CCDC178: variants seen among roughly 807,000 people sequenced by gnomAD.
CCDC178 encodes the protein coiled-coil domain containing 178.
In CCDC178, 126 loss-of-function variants were observed where a neutral mutation model predicts 117.4. The ratio of observed to expected loss-of-function variants is 1.07; its 90% CI spans 0.93 to 1.24. The LOEUF (loss-of-function observed/expected upper bound fraction) is 1.24. CCDC178 is among the 50% of genes most tolerant of loss of function. CCDC178 has a pLI of 0.00. For missense variants in CCDC178, 1,030 were observed against 986.9 expected (o/e 1.04, Z -0.59); for synonymous variants, 283 against 313.4 (o/e 0.90, Z 1.02).
At chr18:33,190,760 A>C (rs564431551) in intron 20 of CCDC178, among the ~76,000 whole-genome samples, 1 of 152,268 alleles carries the variant, frequency 6.6e-6, no homozygotes, top group East Asian at 1.9e-4. Flanking sequence ...TATCCTTCAC[A>C]TCTGCAGTTT....
intron 20 of CCDC178, among the ~76,000 whole-genome samples, chr18:33,194,946 C>CAGAGAG (rs149465796): frequency 2.7e-4 from 29 of 106,218 alleles, no homozygotes; most frequent in African/African-American, 8.6e-4. Context: ...GAGAGAGAGA[C>CAGAGAG]AGAGAGAGAG....
chr18:33,269,973 G>C (rs942150480), intron 12 of CCDC178, among the ~76,000 whole-genome samples: 1 of 151,270 alleles, frequency 6.6e-6, no homozygotes, highest in African/African-American at 2.4e-5. Flanking sequence ...AGGATCTAAA[G>C]GACTAAAACA....
intron 21 of CCDC178, among the ~76,000 whole-genome samples, chr18:32,981,383 T>C (rs950576748): frequency 2.0e-5 from 3 of 152,322 alleles, no homozygotes; most frequent in Non-Finnish European, 4.4e-5. Flanking sequence ...ACTGAGGATT[T>C]TGAATGCATC....
At chr18:33,306,888 T>C (rs2062263165) in intron 11 of CCDC178, among the ~76,000 whole-genome samples, 1 of 152,116 alleles carries the variant, frequency 6.6e-6, no homozygotes, top group Admixed American at 6.6e-5. Context: ...CTGATGATTT[T>C]ATAAGGGGCT....
intron 11 of CCDC178, among the ~76,000 whole-genome samples, chr18:33,295,973 A>G (rs2062102001): frequency 6.6e-6 from 1 of 152,152 alleles, no homozygotes; most frequent in African/African-American, 2.4e-5. Flanking sequence ...TCACACAAAA[A>G]CTTCTACATT....
At chr18:33,085,695 A>G (rs2057369035) in intron 21 of CCDC178, among the ~76,000 whole-genome samples, 1 of 152,232 alleles carries the variant, frequency 6.6e-6, no homozygotes, top group East Asian at 1.9e-4. Context: ...AGTAATTATT[A>G]GTATATTGTT....
chr18:33,149,109 C>G (rs1464040361), intron 20 of CCDC178, among the ~76,000 whole-genome samples: 1 of 152,110 alleles, frequency 6.6e-6, no homozygotes, highest in East Asian at 1.9e-4. Flanking sequence ...GAAGAATCAC[C>G]AAGATGAAAA....
At chr18:33,241,146 C>T (rs2059482890) in intron 15 of CCDC178, among the ~76,000 whole-genome samples, 2 of 151,860 alleles carry the variant, frequency 1.3e-5, no homozygotes, top group Non-Finnish European at 2.9e-5. Flanking sequence ...AATTCAACAT[C>T]TCTTCATGAT....
intron 21 of CCDC178, among the ~76,000 whole-genome samples, chr18:33,086,114 A>C (rs2057374614): frequency 6.6e-6 from 1 of 151,918 alleles, no homozygotes; most frequent in African/African-American, 2.4e-5. Flanking sequence ...TACTTGTTTT[A>C]TTGTAATTTT....
chr18:33,226,908 AC>A (rs1384168261), intron 15 of CCDC178, 53 bp from the exon 16 acceptor site: 2 of 970,800 alleles, frequency 2.1e-6, no homozygotes, highest in East Asian at 5.2e-5. Flanking sequence ...AACATCAAAA[AC>A]ATTTTTTAAA....
chr18:33,313,093 T>C (rs952980112), intron 11 of CCDC178, among the ~76,000 whole-genome samples: 13 of 152,180 alleles, frequency 8.5e-5, no homozygotes, highest in African/African-American at 3.1e-4. Flanking sequence ...GCAGAGCTTG[T>C]TGCTCTAGCC....
intron 22 of CCDC178, chr18:32,953,929 A>G (rs1473994240): frequency 6.6e-6 from 1 of 152,186 alleles, no homozygotes; most frequent in Admixed American, 6.5e-5. Context: ...TTTCACATAT[A>G]TCTCATGACT....
intron 3 of CCDC178, among the ~76,000 whole-genome samples, chr18:33,409,506 G>T (rs571214748): frequency 6.6e-6 from 1 of 152,212 alleles, no homozygotes; most frequent in East Asian, 1.9e-4. Flanking sequence ...TATGCTGAAT[G>T]TACTTTCACA....
intron 22 of CCDC178, among the ~76,000 whole-genome samples, chr18:32,970,578 G>A (rs1010665025): frequency 2.0e-5 from 3 of 151,992 alleles, no homozygotes; most frequent in African/African-American, 7.2e-5. Context: ...TTTTAGTCAT[G>A]TTGGATCATG....
intron 2 of CCDC178, among the ~76,000 whole-genome samples, chr18:33,423,558 A>G (rs1272799244): frequency 6.6e-6 from 1 of 152,000 alleles, no homozygotes; most frequent in African/African-American, 2.4e-5. Flanking sequence ...TGTTTTAAGG[A>G]TTCTTGTACA....
chr18:32,998,908 G>C (rs764152232), intron 21 of CCDC178, among the ~76,000 whole-genome samples: 8 of 151,978 alleles, frequency 5.3e-5, no homozygotes, highest in Non-Finnish European at 1.2e-4. Context: ...CATATTTCCA[G>C]CTGTGGTGGC....
chr18:33,180,948 T>C (rs916713552), intron 20 of CCDC178, among the ~76,000 whole-genome samples: 1 of 152,032 alleles, frequency 6.6e-6, no homozygotes, highest in Non-Finnish European at 1.5e-5. Context: ...TCAATGTTAT[T>C]TTGGCTTAAG....
chr18:33,040,564 G>A (rs1292961606), intron 21 of CCDC178, among the ~76,000 whole-genome samples: 1 of 151,940 alleles, frequency 6.6e-6, no homozygotes, highest in Admixed American at 6.6e-5. Context: ...TTCTAGACTT[G>A]TCTTAGTAAA....
chr18:33,219,442 T>C (rs1469223666), intron 18 of CCDC178, among the ~76,000 whole-genome samples: 1 of 152,132 alleles, frequency 6.6e-6, no homozygotes, highest in African/African-American at 2.4e-5. Flanking sequence ...ACCCAAAGGA[T>C]TATAAATCAT....
Sources: gnomAD v4.1 joint callset for allele counts (sites outside exome capture counted in the v4.1 genomes callset) on GRCh38, gnomAD v4.1.1 for gene constraint, MANE v1.5 for transcripts, NCBI Gene and HGNC (gene_info 2026-07-23, HGNC 2026-07-21) for gene names.